ZNF667: variants seen among roughly 807,000 people sequenced by gnomAD.
ZNF667 encodes myocardial ischemic preconditioning upregulated 1 ortholog.
In ZNF667, 13 loss-of-function variants were observed where a neutral mutation model predicts 31.8. That is an observed-to-expected ratio of 0.41 (90% CI 0.27 to 0.65). The LOEUF (loss-of-function observed/expected upper bound fraction) is 0.65. Ranked by LOEUF, ZNF667 falls within the 30% of genes least tolerant of loss-of-function variation. ZNF667 has a pLI of 0.32. For missense variants in ZNF667, 642 were observed against 725.6 expected, an observed-to-expected ratio of 0.88 and a Z score of 1.32; for synonymous variants, 228 against 247.1, an observed-to-expected ratio of 0.92 and a Z score of 0.73.
intron 4 of ZNF667, among the ~76,000 whole-genome samples, chr19:56,461,744 A>G (rs1456473255): frequency 1.3e-5 from 2 of 152,230 alleles, no homozygotes; most frequent in Non-Finnish European, 2.9e-5. Flanking sequence ...TGCCTGTTGG[A>G]AAAACCACTC....
rs1184312100 is a variant in ZNF667 at position 56,458,240 on chromosome 19, G to A, written c.168C>T (p.Ser56=). The stretch of plus-strand genomic sequence containing the variant: ...AGGTGATCACATTTGGTCTCCGAAA[G>A]GAAAGACCTGTACGTGGGACAAACA... ...NYRNLVSLGL[S]FRRPNVITLL... Residue 56 remains serine (S), a synonymous_variant, in exon 6 of 7, where the codon TCC becomes TCT. Coordinates refer to ENST00000504904, the MANE Select transcript of ZNF667 (RefSeq NM_001321356.2). The A allele has an allele frequency of 2.5e-6, 4 of 1,613,808 alleles. No individual in the cohort carries two copies. The African/African-American group carries it at 4.0e-5, about 16-fold the overall frequency.
intron 3 of ZNF667, among the ~76,000 whole-genome samples, chr19:56,462,631 A>C (rs1211250205): frequency 6.6e-6 from 1 of 152,198 alleles, no homozygotes; most frequent in Non-Finnish European, 1.5e-5. Flanking sequence ...TTTGTGCCTA[A>C]GATCATAGCA....
At chr19:56,458,500 GA>G (rs1260930906) in intron 5 of ZNF667, among the ~76,000 whole-genome samples, 1 of 152,206 alleles carries the variant, frequency 6.6e-6, no homozygotes, top group Non-Finnish European at 1.5e-5. Context: ...ATGTTAATGA[GA>G]AGACTGTGAC....
rs555623106 is a variant in ZNF667, at chr19:56,448,077, T to C, written c.254-5336A>G. Among the ~76,000 whole-genome samples, 93 of 152,196 alleles carry C rather than the reference T, an allele frequency of 6.1e-4. 1 individual carries two copies. The South Asian group carries it at 0.019, about 31-fold the overall frequency. ...ACATCGTATTCAAAGAAAGAGGCAC[T>C]GAGGAGGGTAGAAAAGACAGTCATC... On this transcript the variant is annotated intron_variant, in intron 6 of 6. Transcript: ENST00000504904.
At chr19:56,449,020 T>C (rs2042763887) in intron 6 of ZNF667, among the ~76,000 whole-genome samples, 1 of 152,094 alleles carries the variant, frequency 6.6e-6, no homozygotes, top group South Asian at 2.1e-4. Flanking sequence ...TTCCTGGTAA[T>C]CTAGGGAATT....
rs2042622558 is a variant in ZNF667, at chr19:56,442,232, A to G, written c.763T>C (p.Cys255Arg). The change falls in exon 7 of 7, where the codon TGC becomes CGC. Residue 255 changes from cysteine (C) to arginine (R), a missense_variant. Cys to Arg is a radical substitution (Grantham distance 180, BLOSUM62 -3). Coordinates refer to ENST00000504904, the MANE Select transcript of ZNF667 (RefSeq NM_001321356.2). ...KIHVVGNVCQ[C>R]RKCGKAFNQM... ...TTGAAGGCTTTTCCGCACTTTCTGCACTGGCAGACATTCCCAACAACATGA... is the reference window on the plus strand; with the variant it reads ...TTGAAGGCTTTTCCGCACTTTCTGCGCTGGCAGACATTCCCAACAACATGA... 3 of 1,614,076 alleles carry G rather than the reference A, an allele frequency of 1.9e-6. No individual in the cohort carries two copies. Among genetic ancestry groups the G allele is most frequent in the African/African-American group, 1.3e-5 (1 of 74,926 alleles).
chr19:56,473,455 A>G (rs943219372), intron 2 of ZNF667, among the ~76,000 whole-genome samples: 2 of 152,254 alleles, frequency 1.3e-5, no homozygotes, highest in Admixed American at 6.5e-5. Context: ...CAGCCCATCA[A>G]TAGGAGAATG....
At chr19:56,477,368 G>C (rs1254311152), upstream of ZNF667, 1 of 151,992 alleles carries the variant, frequency 6.6e-6, no homozygotes, top group Non-Finnish European at 1.5e-5. Flanking sequence ...CCGGGACCGC[G>C]CGCTGCACCC....
chr19:56,448,091 A>T (rs2042742358), intron 6 of ZNF667, among the ~76,000 whole-genome samples: 1 of 152,124 alleles, frequency 6.6e-6, no homozygotes, highest in Admixed American at 6.5e-5. Flanking sequence ...GAGGGTAGAA[A>T]AGACAGTCAT....
chr19:56,458,333 GT>G, intron 5 of ZNF667, 86 bp from the exon 6 acceptor site: 1 of 1,142,376 alleles, frequency 8.8e-7, no homozygotes, highest in Non-Finnish European at 1.3e-6. Flanking sequence ...AGGAATGCAG[GT>G]TTAGTAGCAT....
rs780863893 is a variant in ZNF667, at chr19:56,460,732, A to G, written c.117T>C (p.Tyr39=). 6.2e-7 allele frequency: 1 copy of G among 1,612,602 alleles called. No homozygotes were observed. Among genetic ancestry groups the G allele is most frequent in the Non-Finnish European group, 8.5e-7 (1 of 1,179,442 alleles). Reference sequence around the variant, plus strand: ...GGTAATTCTCCAACATGACATCTTCATACAAATCCTTCTGAATGGGGCTCA... The same window carrying G: ...GGTAATTCTCCAACATGACATCTTCGTACAAATCCTTCTGAATGGGGCTCA... ...EWLSPIQKDL[Y]EDVMLENYRN... is the part of the protein sequence containing the mutation. Residue 39 remains tyrosine, a synonymous_variant, in exon 5 of 7, where the codon TAT becomes TAC. Coordinates refer to ENST00000504904, the MANE Select transcript of ZNF667 (RefSeq NM_001321356.2).
intron 3 of ZNF667, among the ~76,000 whole-genome samples, chr19:56,463,685 A>C (rs951400204): frequency 6.6e-6 from 1 of 151,534 alleles, no homozygotes; most frequent in Non-Finnish European, 1.5e-5. Flanking sequence ...CTGCCACCAC[A>C]CTCAGCTAAT....
intron 4 of ZNF667, 34 bp from the exon 5 acceptor site, chr19:56,460,849 G>T: frequency 6.5e-7 from 1 of 1,541,840 alleles, no homozygotes. Flanking sequence ...ATTCACCATG[G>T]ACTTGTGCTT....
At chr19:56,462,503 A>ACACAGACACACATG in intron 3 of ZNF667, 74 bp from the exon 4 acceptor site, 1 of 886,834 alleles carries the variant, frequency 1.1e-6, no homozygotes, top group East Asian at 2.4e-5. Flanking sequence ...ACACACACAC[A>ACACAGACACACATG]CACAGACACA....
intron 6 of ZNF667, among the ~76,000 whole-genome samples, chr19:56,450,619 G>T (rs1406005434): frequency 6.6e-6 from 1 of 152,104 alleles, no homozygotes; most frequent in African/African-American, 2.4e-5. Context: ...CATATCTTAA[G>T]TAGGAAGACT....
chr19:56,457,605 G>A (rs1372327959), intron 6 of ZNF667, among the ~76,000 whole-genome samples: 1 of 152,154 alleles, frequency 6.6e-6, no homozygotes, highest in African/African-American at 2.4e-5. Flanking sequence ...CTTACTAAAT[G>A]TTGCTTTTTC....
At chr19:56,477,927 T>A (rs2043453700), upstream of ZNF667, 1 of 152,254 alleles carries the variant, frequency 6.6e-6, no homozygotes, top group Non-Finnish European at 1.5e-5. Flanking sequence ...GAACGTGAGG[T>A]GAAGAAGGCT....
intron 3 of ZNF667, among the ~76,000 whole-genome samples, chr19:56,463,641 C>T (rs1024743840): frequency 1.3e-5 from 2 of 152,094 alleles, no homozygotes; most frequent in African/African-American, 4.8e-5. Flanking sequence ...GATCCTCCCA[C>T]CTCAGCCTTC....
chr19:56,460,869 T>A, intron 4 of ZNF667, 54 bp from the exon 5 acceptor site: 1 of 1,509,690 alleles, frequency 6.6e-7, no homozygotes, highest in Non-Finnish European at 8.9e-7. Context: ...TCCACATGGC[T>A]GGAGGAAATG....
Sources: gnomAD v4.1 joint callset for allele counts (sites outside exome capture counted in the v4.1 genomes callset) on GRCh38, gnomAD v4.1.1 for gene constraint, MANE v1.5 for transcripts, NCBI Gene and HGNC (gene_info 2026-07-23, HGNC 2026-07-21) for gene names.